TMOD1: variants seen among roughly 807,000 people sequenced by gnomAD.
The protein encoded by TMOD1 is tropomodulin 1, also known as tropomodulin-1.
Under a neutral mutation model 40.6 loss-of-function variants are expected in TMOD1, and 17 were observed. The ratio of observed to expected loss-of-function variants is 0.42; its 90% confidence interval spans 0.29 to 0.63. The LOEUF is 0.63. Ranked by LOEUF, TMOD1 falls within the 20% of genes least tolerant of loss-of-function variation. The probability of loss-of-function intolerance (pLI) is 0.22; values close to 1 mark genes in which losing one functional copy is unlikely to be tolerated. For synonymous variants in TMOD1, 181 were observed against 175.0 expected (o/e 1.03, Z -0.27); for missense variants, 391 against 447.6 (o/e 0.87, Z 1.14).
In TMOD1 at chr9:97,564,109, C is replaced by G. The variant is rs537151984; in HGVS notation, c.559C>G (p.Leu187Val). Reference sequence around the variant, plus strand: ...AAATTCAACAGACGTAGAGGAAACGCTGGAACGGATAAAGAACAACGACCC... The same window carrying G: ...AAATTCAACAGACGTAGAGGAAACGGTGGAACGGATAAAGAACAACGACCC... ...EPNSTDVEETLERIKNNDPKL... is the reference protein window; with the variant it reads ...EPNSTDVEETVERIKNNDPKL... Residue 187 changes from leucine to valine, a missense_variant, in exon 6 of 10, where the codon CTG becomes GTG. Physicochemically the swap from Leu to Val is conservative, Grantham distance 32. Transcript: ENST00000259365. 1 of 1,614,104 alleles carries G rather than the reference C, an allele frequency of 6.2e-7. No homozygotes were observed. The highest frequency in any genetic ancestry group is 1.1e-5 in the South Asian group (1 of 91,060).
At position 97,577,943 on chromosome 9, in the gene TMOD1, A is replaced by G. The variant is rs368618886; in HGVS notation, c.870+8906A>G. Among the ~76,000 whole-genome samples the G allele has an allele frequency of 3.3e-5, 5 of 152,266 alleles. No homozygotes were observed. In the East Asian group the frequency reaches 7.7e-4, roughly 23 times the overall value. ...AAGTTACTTGAAAAATAAGTCAGAG[A>G]ACTGGTTTTTAGTCGTGGCTCCCCA... On this transcript the variant is annotated intron_variant, in intron 8 of 9. Transcript: ENST00000259365.
At chr9:97,564,251 G>A in intron 6 of TMOD1, 83 bp downstream of exon 6, 1 of 1,504,226 alleles carries the variant, frequency 6.6e-7, no homozygotes, top group African/African-American at 1.4e-5. Flanking sequence ...GTCCAGGGTT[G>A]GTTGTGCAGA....
intron 8 of TMOD1, among the ~76,000 whole-genome samples, chr9:97,587,260 G>A (rs1422539584): frequency 6.6e-6 from 1 of 152,142 alleles, no homozygotes; most frequent in East Asian, 1.9e-4. Context: ...ATTTCTCTGG[G>A]ATAAATACCT....
chr9:97,591,050 G>C (rs549574215), intron 8 of TMOD1, among the ~76,000 whole-genome samples: 2 of 152,276 alleles, frequency 1.3e-5, no homozygotes, highest in African/African-American at 4.8e-5. Context: ...AGAGGCTGTT[G>C]TAAAGCAGTG....
At chr9:97,578,142 G>A (rs1021592246) in intron 8 of TMOD1, among the ~76,000 whole-genome samples, 4 of 152,002 alleles carry the variant, frequency 2.6e-5, no homozygotes, top group Admixed American at 6.6e-5. Context: ...TGCAAACTCC[G>A]CCTCCCTGGT....
chr9:97,581,630 A>T (rs1587957688), intron 8 of TMOD1, among the ~76,000 whole-genome samples: 1 of 150,466 alleles, frequency 6.6e-6, no homozygotes, highest in African/African-American at 2.4e-5. Flanking sequence ...AAGTGTTCCT[A>T]TTTCTCCACA....
At chr9:97,594,895 C>T (rs1458883076) in intron 9 of TMOD1, among the ~76,000 whole-genome samples, 2 of 152,210 alleles carry the variant, frequency 1.3e-5, no homozygotes, top group Non-Finnish European at 2.9e-5. Flanking sequence ...GCAGCTCTCT[C>T]CACTTAGCAA....
At chr9:97,587,630 C>T (rs1344982741) in intron 8 of TMOD1, among the ~76,000 whole-genome samples, 1 of 151,996 alleles carries the variant, frequency 6.6e-6, no homozygotes, top group African/African-American at 2.4e-5. Flanking sequence ...CACAATTCAT[C>T]CTTTTAAAAT....
chr9:97,523,151 G>A (rs542520882), intron 1 of TMOD1, among the ~76,000 whole-genome samples: 1 of 152,366 alleles, frequency 6.6e-6, no homozygotes, highest in South Asian at 2.1e-4. Flanking sequence ...AAAAGTGTGT[G>A]TGGAGAGGCT....
At chr9:97,555,859 A>C in intron 4 of TMOD1, 1 of 697,118 alleles carries the variant, frequency 1.4e-6, no homozygotes, top group South Asian at 1.7e-5. Context: ...AGGCAACTTC[A>C]TTCTAGGGCC....
At chr9:97,595,196 T>C (rs1352868815) in intron 9 of TMOD1, among the ~76,000 whole-genome samples, 1 of 152,258 alleles carries the variant, frequency 6.6e-6, no homozygotes, top group Non-Finnish European at 1.5e-5. Flanking sequence ...TTAAGTGAAT[T>C]AGCATATCAT....
chr9:97,559,485 G>A (rs1009171916), intron 4 of TMOD1, among the ~76,000 whole-genome samples: 1 of 151,602 alleles, frequency 6.6e-6, no homozygotes, highest in African/African-American at 2.4e-5. Flanking sequence ...AAAAAAATCG[G>A]CCGGGCGTGG....
At chr9:97,523,440 G>A (rs4742696) in intron 1 of TMOD1, among the ~76,000 whole-genome samples, 3,077 of 152,280 alleles carry the variant, frequency 0.02, 38 homozygotes, top group South Asian at 0.033. Flanking sequence ...GGGTGACTCC[G>A]CAGAGAAGGT....
chr9:97,559,801 A>ATATATATATG (rs1830602363), intron 4 of TMOD1, among the ~76,000 whole-genome samples: 1 of 62,070 alleles, frequency 1.6e-5, no homozygotes, highest in East Asian at 4.5e-4. Flanking sequence ...AAAAATATAT[A>ATATATATATG]TATATATATA....
chr9:97,501,455 G>T (rs1235469926), upstream of TMOD1, among the ~76,000 whole-genome samples: 1 of 152,078 alleles, frequency 6.6e-6, no homozygotes, highest in African/African-American at 2.4e-5. Flanking sequence ...AGGGGCCCGC[G>T]CTCGCTCGGC....
At chr9:97,527,612 C>T (rs1052411583) in intron 2 of TMOD1, among the ~76,000 whole-genome samples, 1 of 151,178 alleles carries the variant, frequency 6.6e-6, no homozygotes, top group Non-Finnish European at 1.5e-5. Context: ...GGGTCAGATG[C>T]GACTAGAAAG....
At chr9:97,596,974 TCTTTA>T (rs1418073519) in intron 9 of TMOD1, among the ~76,000 whole-genome samples, 11 of 152,242 alleles carry the variant, frequency 7.2e-5, no homozygotes, top group African/African-American at 2.7e-4. Context: ...TTATACTGTG[TCTTTA>T]CTTCTGATTC....
chr9:97,567,558 CAGCCTAG>C (rs1331624524), intron 7 of TMOD1, among the ~76,000 whole-genome samples: 1 of 152,230 alleles, frequency 6.6e-6, no homozygotes, highest in Non-Finnish European at 1.5e-5. Flanking sequence ...CCAGTTGGAT[CAGCCTAG>C]CAGGTTGCCT....
chr9:97,527,064 G>A (rs1050307209), intron 2 of TMOD1, among the ~76,000 whole-genome samples: 7 of 152,038 alleles, frequency 4.6e-5, no homozygotes, highest in East Asian at 1.9e-4. Flanking sequence ...ATCAAAAGTC[G>A]GCATTGGTGG....
Sources: allele counts gnomAD v4.1 joint callset (sites outside exome capture counted in the v4.1 genomes callset), GRCh38; gene constraint gnomAD v4.1.1; transcripts MANE v1.5; gene names NCBI Gene and HGNC (gene_info 2026-07-23, HGNC 2026-07-21).